The following EBF2 variants were observed in gnomAD, a reference collection of about 807,000 sequenced individuals.
EBF2 encodes the protein transcription factor COE2.
Under a neutral mutation model 72.8 loss-of-function variants are expected in EBF2, and 21 were observed. That is an observed-to-expected ratio of 0.29 (90% CI 0.20 to 0.42). EBF2 has a LOEUF of 0.42. Among genes scored for constraint, EBF2 ranks in the 10% least tolerant of loss-of-function variants. EBF2 has a pLI of 1.00. For synonymous variants in EBF2, 299 were observed against 274.2 expected (o/e 1.09, Z -0.89); for missense variants, 637 against 731.2 (o/e 0.87, Z 1.49).
intron 6 of EBF2, among the ~76,000 whole-genome samples, chr8:25,998,794 A>G (rs568602984): frequency 6.6e-6 from 1 of 152,340 alleles, no homozygotes; most frequent in South Asian, 2.1e-4. Flanking sequence ...ACACATTACA[A>G]GAGGGCAATT....
rs781254274 is a variant in EBF2, at chr8:26,044,864, A to G, written c.-5T>C. ...AGTATCTTGAATTCCAAACATTTAA[A>G]AAGTCTGATCCTCTACTGTCGCTTT... is the stretch of plus-strand genomic sequence containing the variant. On this transcript the variant is annotated 5_prime_UTR_variant, in exon 1 of 16. Coordinates refer to ENST00000520164, the MANE Select transcript of EBF2 (RefSeq NM_022659.4). The surrounding 1 kb of genome is among the most constrained non-coding windows in gnomAD (Gnocchi z 4.1). The G allele has an allele frequency of 1.2e-6, 2 of 1,613,882 alleles. No homozygotes were observed. The highest frequency in any genetic ancestry group is 2.7e-5 in the African/African-American group (2 of 74,892).
intron 6 of EBF2, among the ~76,000 whole-genome samples, chr8:25,953,692 G>A (rs1001314206): frequency 6.6e-6 from 1 of 152,212 alleles, no homozygotes; most frequent in Non-Finnish European, 1.5e-5. Context: ...TCAGCAATAA[G>A]AGAAGGCTGG....
chr8:26,035,330 G>A (rs180942238), intron 5 of EBF2, among the ~76,000 whole-genome samples: 1 of 152,036 alleles, frequency 6.6e-6, no homozygotes, highest in African/African-American at 2.4e-5. Flanking sequence ...TTTTCATTTT[G>A]GTAGAGATAG....
At chr8:25,847,160 G>A (rs11989106) in intron 15 of EBF2, among the ~76,000 whole-genome samples, 21,126 of 152,026 alleles carry the variant, frequency 0.14, 1,674 homozygotes, top group African/African-American at 0.2. Context: ...CACTCAGTTC[G>A]GCACCTTGCC....
At chr8:25,859,293 T>C (rs1177906217) in intron 13 of EBF2, among the ~76,000 whole-genome samples, 1 of 152,240 alleles carries the variant, frequency 6.6e-6, no homozygotes, top group East Asian at 1.9e-4. Flanking sequence ...TAACATGCCA[T>C]AGCATCTTTT....
Position 25,898,450 on chromosome 8 carries a change from TA to T in EBF2, c.634-8582del, listed in dbSNP as rs112211291. On this transcript the variant is annotated intron_variant, in intron 7 of 15. Transcript: ENST00000520164. ...CCCAATTGAGAAATCCAGTGGCAAT[TA>T]AAAAAAAAAAAACCAGCTTTTCATG... Among the ~76,000 whole-genome samples, 1,435 of 144,236 alleles carry T rather than the reference TA, an allele frequency of 9.9e-3. 23 individuals carry two copies. The highest frequency in any genetic ancestry group is 0.03 in the African/African-American group (1,189 of 39,740). The allele number at this position is 144,236 out of a possible 152,430, so 94.6% of individuals were successfully genotyped here. A position where few individuals can be genotyped will look rare whatever the true frequency, so the allele number is the denominator to read the frequency against.
At chr8:25,855,351 C>G (rs1585259705) in intron 14 of EBF2, among the ~76,000 whole-genome samples, 1 of 152,146 alleles carries the variant, frequency 6.6e-6, no homozygotes, top group South Asian at 2.1e-4. Flanking sequence ...TGAGCTGGAA[C>G]TTGGCACACT....
At chr8:25,970,639 G>A (rs371748049) in intron 6 of EBF2, among the ~76,000 whole-genome samples, 7 of 152,136 alleles carry the variant, frequency 4.6e-5, no homozygotes, top group South Asian at 2.1e-4. Context: ...GGGCCAGAAT[G>A]TGGGTCAGAA....
chr8:26,017,966 G>T (rs1805139396), intron 6 of EBF2, among the ~76,000 whole-genome samples: 1 of 152,114 alleles, frequency 6.6e-6, no homozygotes. Flanking sequence ...CAAGGCTCTG[G>T]GGTATGGGGT....
chr8:25,852,808 T>A (rs1802008982), intron 14 of EBF2, among the ~76,000 whole-genome samples: 1 of 152,262 alleles, frequency 6.6e-6, no homozygotes. Context: ...TTTTAATTTG[T>A]GCATTTCGGC....
intron 6 of EBF2, among the ~76,000 whole-genome samples, chr8:25,957,684 AAGAC>A (rs1246733085): frequency 1.3e-5 from 2 of 152,160 alleles, no homozygotes; most frequent in African/African-American, 4.8e-5. Context: ...GCAACATAGC[AAGAC>A]CCTATCTCTA....
intron 3 of EBF2, 78 bp downstream of exon 3, chr8:26,040,861 G>A (rs1805587779): frequency 6.3e-7 from 1 of 1,592,298 alleles, no homozygotes; most frequent in Non-Finnish European, 8.6e-7. Flanking sequence ...CCCTGAGAGT[G>A]ATCATGGCAA....
At chr8:26,024,220 C>T (rs1805261116) in intron 6 of EBF2, among the ~76,000 whole-genome samples, 1 of 152,096 alleles carries the variant, frequency 6.6e-6, no homozygotes, top group Non-Finnish European at 1.5e-5. Context: ...GAGGTATAGC[C>T]ATCACCCCAC....
chr8:26,015,373 G>A (rs1235584139), intron 6 of EBF2, among the ~76,000 whole-genome samples: 1 of 152,174 alleles, frequency 6.6e-6, no homozygotes, highest in East Asian at 1.9e-4. Context: ...CCTGCCACAA[G>A]GGCATGCCCT....
chr8:25,894,028 A>G (rs905480562), intron 7 of EBF2, among the ~76,000 whole-genome samples: 5 of 152,200 alleles, frequency 3.3e-5, no homozygotes, highest in African/African-American at 1.2e-4. Context: ...ACGTATAGAT[A>G]TGAGGCAAGT....
chr8:25,881,288 GA>G (rs1802602151), intron 10 of EBF2, among the ~76,000 whole-genome samples: 2 of 152,166 alleles, frequency 1.3e-5, no homozygotes, highest in South Asian at 4.1e-4. Flanking sequence ...TTTGCAGCTT[GA>G]ACACAGCCTC....
chr8:26,036,729 C>T (rs892581438), intron 5 of EBF2, among the ~76,000 whole-genome samples: 1 of 152,224 alleles, frequency 6.6e-6, no homozygotes, highest in East Asian at 1.9e-4. Flanking sequence ...CTGAATTACT[C>T]AGATGATAAA....
At chr8:26,039,295 T>A (rs965217598) in intron 5 of EBF2, among the ~76,000 whole-genome samples, 2 of 152,006 alleles carry the variant, frequency 1.3e-5, no homozygotes, top group Non-Finnish European at 2.9e-5. Context: ...AATGGATTGA[T>A]CTCTGAAAGG....
rs542843733 is a variant in EBF2 at position 25,955,810 on chromosome 8, G to A, written c.552-47255C>T. Among the ~76,000 whole-genome samples the A allele has an allele frequency of 1.1e-4, 17 of 152,206 alleles. No homozygotes were observed. The South Asian group carries it at 3.3e-3, about 30-fold the overall frequency. On this transcript the variant is annotated intron_variant, in intron 6 of 15. Coordinates refer to ENST00000520164, the MANE Select transcript of EBF2 (RefSeq NM_022659.4). ...GGCTTACATTTAAGTGCTACCTTCT[G>A]TGTTTGGTGAATATAAGTTAATATT...
Sources: gnomAD v4.1 joint callset for allele counts (sites outside exome capture counted in the v4.1 genomes callset) on GRCh38, gnomAD v4.1.1 for gene constraint, Gnocchi (gnomAD v3.1) non-coding constraint, MANE v1.5 for transcripts, NCBI Gene and HGNC (gene_info 2026-07-23, HGNC 2026-07-21) for gene names.